The following MSRB3 variants were observed in gnomAD, a reference collection of about 807,000 sequenced individuals.
The protein encoded by MSRB3 is methionine sulfoxide reductase B3.
In MSRB3, 13 loss-of-function variants were observed where a neutral mutation model predicts 21.0. The observed-to-expected ratio is 0.62, with a 90% CI of 0.40 to 0.98. The LOEUF (loss-of-function observed/expected upper bound fraction) is 0.98. Ranked by LOEUF, MSRB3 falls within the 50% of genes least tolerant of loss-of-function variation. The probability of loss-of-function intolerance (pLI) is 0.00; values close to 1 mark genes in which losing one functional copy is unlikely to be tolerated. For synonymous variants in MSRB3, 87 were observed against 88.6 expected (o/e 0.98, Z 0.10); for missense variants, 199 against 230.3 (o/e 0.86, Z 0.88).
At chr12:65,284,897 C>G (rs1481192958) in intron 1 of MSRB3, 5 of 152,150 alleles carry the variant, frequency 3.3e-5, no homozygotes, top group African/African-American at 1.2e-4. Context: ...ATCATTTCCC[C>G]TCTTTCCTGC....
At chr12:65,438,248 G>A (rs1033913081) in intron 5 of MSRB3, among the ~76,000 whole-genome samples, 2 of 151,896 alleles carry the variant, frequency 1.3e-5, no homozygotes, top group African/African-American at 4.8e-5. Context: ...GTTGAAGGAA[G>A]CCACTGCTGA....
intron 1 of MSRB3, among the ~76,000 whole-genome samples, chr12:65,299,905 T>G (rs968960016): frequency 6.6e-6 from 1 of 152,240 alleles, no homozygotes; most frequent in East Asian, 1.9e-4. Flanking sequence ...TATATTGTTA[T>G]GACTATGTGC....
intron 1 of MSRB3, among the ~76,000 whole-genome samples, chr12:65,296,681 A>G (rs1872987381): frequency 6.6e-6 from 1 of 152,212 alleles, no homozygotes; most frequent in Non-Finnish European, 1.5e-5. Context: ...CTACGCACAA[A>G]GATGAAGGAA....
intron 6 of MSRB3, among the ~76,000 whole-genome samples, chr12:65,454,513 C>T (rs1193928678): frequency 6.6e-6 from 1 of 152,124 alleles, no homozygotes; most frequent in Non-Finnish European, 1.5e-5. Flanking sequence ...TGTGTACCCA[C>T]TGTTCAGTCA....
chr12:65,385,965 T>G (rs1227957368), intron 5 of MSRB3, among the ~76,000 whole-genome samples: 3 of 151,996 alleles, frequency 2.0e-5, no homozygotes, highest in African/African-American at 7.2e-5. Context: ...AATTAATTAA[T>G]ATCTATAACT....
intron 5 of MSRB3, among the ~76,000 whole-genome samples, chr12:65,386,027 A>G (rs1411447869): frequency 6.6e-6 from 1 of 151,942 alleles, no homozygotes; most frequent in Non-Finnish European, 1.5e-5. Context: ...TGACCCCTGC[A>G]TGTTTCCCAT....
At chr12:65,286,205 G>A (rs1872337720) in intron 1 of MSRB3, 2 of 152,174 alleles carry the variant, frequency 1.3e-5, no homozygotes, top group South Asian at 4.1e-4. Context: ...ATACTCTCAG[G>A]AAGTTCTGGT....
At chr12:65,420,000 G>A in intron 5 of MSRB3, 1 of 564,066 alleles carries the variant, frequency 1.8e-6, no homozygotes, top group South Asian at 1.4e-5. Flanking sequence ...TGGTGGACAA[G>A]GTGGAGCGAG....
intron 5 of MSRB3, among the ~76,000 whole-genome samples, chr12:65,435,156 G>A (rs541958883): frequency 6.6e-6 from 1 of 151,994 alleles, no homozygotes; most frequent in South Asian, 2.1e-4. Flanking sequence ...GAACATATAT[G>A]TAAGTCAAGT....
At chr12:65,410,864 A>C (rs1322527916) in intron 5 of MSRB3, among the ~76,000 whole-genome samples, 6 of 152,208 alleles carry the variant, frequency 3.9e-5, no homozygotes, top group Non-Finnish European at 7.3e-5. Context: ...ACAGTGACCA[A>C]AGCAGAAATA....
intron 5 of MSRB3, among the ~76,000 whole-genome samples, chr12:65,417,232 CT>C (rs1565882123): frequency 1.2e-4 from 19 of 152,012 alleles, no homozygotes; most frequent in Non-Finnish European, 1.5e-5. Context: ...GTGTTTGCCC[CT>C]CATTAAGGGA....
intron 5 of MSRB3, among the ~76,000 whole-genome samples, chr12:65,411,813 T>C (rs934072718): frequency 4.7e-5 from 7 of 149,506 alleles, no homozygotes; most frequent in African/African-American, 9.7e-5. Context: ...TATATACTTA[T>C]GTTTTTATAT....
At chr12:65,463,129 C>T in intron 6 of MSRB3, 26 bp from the exon 7 acceptor site, 1 of 1,613,624 alleles carries the variant, frequency 6.2e-7, no homozygotes, top group Non-Finnish European at 8.5e-7. Context: ...CATGCTTTTC[C>T]CTGACGTTTT....
At chr12:65,362,030 C>T (rs1220101738) in intron 4 of MSRB3, among the ~76,000 whole-genome samples, 1 of 152,104 alleles carries the variant, frequency 6.6e-6, no homozygotes, top group Non-Finnish European at 1.5e-5. Flanking sequence ...TAACCTACTG[C>T]TGCTTAGTTA....
chr12:65,357,713 A>C (rs1877468939), intron 4 of MSRB3, among the ~76,000 whole-genome samples: 1 of 151,900 alleles, frequency 6.6e-6, no homozygotes, highest in Admixed American at 6.6e-5. Context: ...AGGAGTCATG[A>C]TCAGGCATTT....
intron 5 of MSRB3, among the ~76,000 whole-genome samples, chr12:65,378,841 T>A (rs1565863814): frequency 6.6e-6 from 1 of 152,216 alleles, no homozygotes; most frequent in Non-Finnish European, 1.5e-5. Context: ...ATCTGCATGA[T>A]CAGTGTCTTC....
chr12:65,297,208 G>A (rs1483192353), intron 1 of MSRB3, among the ~76,000 whole-genome samples: 1 of 152,040 alleles, frequency 6.6e-6, no homozygotes, highest in East Asian at 1.9e-4. Context: ...AACACACAAT[G>A]GGGCCTGTTG....
chr12:65,365,074 G>T (rs989187408), intron 4 of MSRB3, among the ~76,000 whole-genome samples: 38 of 40,206 alleles, frequency 9.5e-4, no homozygotes, highest in Non-Finnish European at 4.2e-3. Flanking sequence ...GTTCTGACAT[G>T]ATTTTTTTTT....
At chr12:65,342,413 A>T (rs1876205551) in intron 4 of MSRB3, among the ~76,000 whole-genome samples, 1 of 152,032 alleles carries the variant, frequency 6.6e-6, no homozygotes, top group Non-Finnish European at 1.5e-5. Context: ...ATAATAAAAA[A>T]TGAGGTAAAA....
Sources: gnomAD v4.1 joint callset for allele counts (sites outside exome capture counted in the v4.1 genomes callset) on GRCh38, gnomAD v4.1.1 for gene constraint, MANE v1.5 for transcripts, NCBI Gene and HGNC (gene_info 2026-07-23, HGNC 2026-07-21) for gene names.